Variants in ZNF385D observed in about 807,000 individuals in gnomAD.
ZNF385D encodes the protein zinc finger protein 385D.
A neutral mutation model predicts 35.8 loss-of-function variants in ZNF385D; 15 were observed. The observed-to-expected ratio is 0.42, with a 90% CI of 0.28 to 0.64. The LOEUF (loss-of-function observed/expected upper bound fraction) is 0.64, where lower values mean the gene tolerates loss of function less well. Ranked by LOEUF, ZNF385D falls within the 30% of genes least tolerant of loss-of-function variation. ZNF385D has a pLI of 0.23. For synonymous variants in ZNF385D, 212 were observed against 186.8 expected (o/e 1.13, Z -1.10); for missense variants, 474 against 494.6 (o/e 0.96, Z 0.39).
intron 3 of ZNF385D, among the ~76,000 whole-genome samples, chr3:22,013,056 A>T (rs1441070000): frequency 6.6e-6 from 1 of 152,166 alleles, no homozygotes; most frequent in Non-Finnish European, 1.5e-5. Flanking sequence ...AAATGTATGG[A>T]AGATTTAAAG....
At chr3:22,336,591 C>T (rs1247745338) in intron 2 of ZNF385D, among the ~76,000 whole-genome samples, 2 of 152,070 alleles carry the variant, frequency 1.3e-5, no homozygotes, top group South Asian at 4.1e-4. Context: ...CAGCTATTTT[C>T]CACAACACAT....
intron 3 of ZNF385D, among the ~76,000 whole-genome samples, chr3:22,020,166 T>A (rs996498578): frequency 3.3e-5 from 5 of 151,856 alleles, no homozygotes; most frequent in Admixed American, 2.6e-4. Context: ...CTATGACTTG[T>A]CATGCAATAC....
At chr3:21,781,330 T>A (rs779171885) in intron 3 of ZNF385D, among the ~76,000 whole-genome samples, 169 of 152,046 alleles carry the variant, frequency 1.1e-3, no homozygotes, top group Non-Finnish European at 1.7e-3. Flanking sequence ...ATGTAGGACC[T>A]TCCATACCCT....
At chr3:21,703,250 C>T (rs1404968878) in intron 1 of ZNF385D, among the ~76,000 whole-genome samples, 2 of 152,068 alleles carry the variant, frequency 1.3e-5, no homozygotes, top group Non-Finnish European at 2.9e-5. Context: ...AAGGAAGAAG[C>T]AAAAGTGGAA....
chr3:22,160,777 C>G (rs954340822), intron 3 of ZNF385D, among the ~76,000 whole-genome samples: 9 of 152,006 alleles, frequency 5.9e-5, no homozygotes, highest in African/African-American at 1.7e-4. Flanking sequence ...AAATAGGAAA[C>G]CAGGCTTAAT....
chr3:22,091,291 A>C (rs1701318936), intron 3 of ZNF385D, among the ~76,000 whole-genome samples: 1 of 152,176 alleles, frequency 6.6e-6, no homozygotes, highest in Non-Finnish European at 1.5e-5. Flanking sequence ...AAACCATAGC[A>C]CTGAGAAATT....
At chr3:22,325,491 C>T (rs925619020) in intron 2 of ZNF385D, among the ~76,000 whole-genome samples, 3 of 152,102 alleles carry the variant, frequency 2.0e-5, no homozygotes, top group Non-Finnish European at 4.4e-5. Flanking sequence ...CGGACAGGCA[C>T]GGTGATGCAC....
intron 2 of ZNF385D, among the ~76,000 whole-genome samples, chr3:22,283,055 A>T (rs542828828): frequency 9.2e-5 from 14 of 152,234 alleles, no homozygotes; most frequent in Non-Finnish European, 1.5e-4. Context: ...CAGAAAAAAA[A>T]TTTTAAGGTA....
chr3:22,247,349 A>G (rs1699839560), intron 2 of ZNF385D, among the ~76,000 whole-genome samples: 1 of 152,120 alleles, frequency 6.6e-6, no homozygotes, highest in South Asian at 2.1e-4. Context: ...TATATTTAGC[A>G]TGTAAATATA....
rs138478400 is a variant in ZNF385D, at chr3:22,137,171, C to A, written c.325+31646G>T. On this transcript the variant is annotated intron_variant, in intron 3 of 5. Transcript: ENST00000494108. ...GTTTTTTACTAATTTTTCTGTAAAC[C>A]TCAACTACTTAAGAATAGTTCATTA... is the stretch of plus-strand genomic sequence containing the variant. Among the ~76,000 whole-genome samples, 170 of 152,192 alleles carry A rather than the reference C, an allele frequency of 1.1e-3. 1 individual carries two copies. Among genetic ancestry groups the A allele is most frequent in the African/African-American group, 3.9e-3 (163 of 41,532 alleles).
chr3:22,306,473 A>G (rs947605376), intron 2 of ZNF385D, among the ~76,000 whole-genome samples: 2 of 152,058 alleles, frequency 1.3e-5, no homozygotes, highest in African/African-American at 4.8e-5. Flanking sequence ...TAGCTGTCCA[A>G]TAATAGTTCT....
intron 2 of ZNF385D, among the ~76,000 whole-genome samples, chr3:21,568,502 A>G (rs942375710): frequency 6.6e-6 from 1 of 152,182 alleles, no homozygotes; most frequent in African/African-American, 2.4e-5. Context: ...GTGTATGCAC[A>G]TTATCGTCAA....
At chr3:21,538,786 A>G (rs928713052) in intron 3 of ZNF385D, among the ~76,000 whole-genome samples, 1 of 152,144 alleles carries the variant, frequency 6.6e-6, no homozygotes, top group Non-Finnish European at 1.5e-5. Flanking sequence ...ACTCTTCTTT[A>G]AGTTATTTAT....
intron 2 of ZNF385D, among the ~76,000 whole-genome samples, chr3:21,607,590 C>G (rs1337115999): frequency 6.6e-6 from 1 of 152,148 alleles, no homozygotes; most frequent in East Asian, 1.9e-4. Flanking sequence ...GAAAACTACC[C>G]CATCCTTTGG....
At chr3:22,147,042 A>G (rs1407469287) in intron 3 of ZNF385D, among the ~76,000 whole-genome samples, 1 of 152,200 alleles carries the variant, frequency 6.6e-6, no homozygotes, top group Non-Finnish European at 1.5e-5. Flanking sequence ...CTGACATTGT[A>G]TTTAGAGTTA....
chr3:22,004,493 C>T (rs892376601), intron 3 of ZNF385D, among the ~76,000 whole-genome samples: 1 of 152,162 alleles, frequency 6.6e-6, no homozygotes, highest in Admixed American at 6.5e-5. Context: ...AGTAAAGAGA[C>T]AACCTGTGGA....
At chr3:21,651,148 T>G (rs1335133148) in intron 2 of ZNF385D, among the ~76,000 whole-genome samples, 4 of 146,748 alleles carry the variant, frequency 2.7e-5, no homozygotes, top group Admixed American at 6.8e-5. Context: ...ATCAGCTGGG[T>G]GTGGTGGCGG....
chr3:21,602,517 CTTTTTTTTTTTTT>C (rs746138066), intron 2 of ZNF385D, among the ~76,000 whole-genome samples: 11,996 of 62,854 alleles, frequency 0.19, 1,122 homozygotes, highest in Middle Eastern at 0.38. Flanking sequence ...CCTGCATTTT[CTTTTTTTTTTTTT>C]TTTTTTTTTT....
chr3:21,432,043 A>AC (rs1243031447), intron 5 of ZNF385D, among the ~76,000 whole-genome samples: 2 of 152,170 alleles, frequency 1.3e-5, no homozygotes, highest in African/African-American at 2.4e-5. Flanking sequence ...AACAAATACA[A>AC]CTTTTTTTTT....
Sources: gnomAD v4.1 joint callset for allele counts (sites outside exome capture counted in the v4.1 genomes callset) on GRCh38, gnomAD v4.1.1 for gene constraint, MANE v1.5 for transcripts, NCBI Gene and HGNC (gene_info 2026-07-23, HGNC 2026-07-21) for gene names.